ZNF215: variants seen among roughly 807,000 people sequenced by gnomAD.
ZNF215 encodes BWSCR2-associated zinc finger protein 2.
A neutral mutation model predicts 27.2 loss-of-function variants in ZNF215; 24 were observed. The observed-to-expected ratio is 0.88, with a 90% CI of 0.64 to 1.24. The LOEUF is 1.24. ZNF215 is among the 50% of genes most tolerant of loss of function. The pLI is 0.00. For missense variants in ZNF215, 675 were observed against 605.7 expected (o/e 1.11, Z -1.20); for synonymous variants, 210 against 204.0 (o/e 1.03, Z -0.25).
At chr11:6,960,713 T>A (rs935963195), downstream of ZNF215, among the ~76,000 whole-genome samples, 1 of 152,172 alleles carries the variant, frequency 6.6e-6, no homozygotes, top group Admixed American at 6.6e-5. Flanking sequence ...CTCGTCACTC[T>A]GGCACTGTGG....
chr11:6,932,465 G>C lies in ZNF215; in HGVS notation c.193G>C (p.Ala65Pro), dbSNP rs747873198. The change falls in exon 3 of 7, where the codon GCC (alanine) becomes CCC (proline). Residue 65 changes from alanine to proline, a missense_variant. Ala to Pro is a conservative substitution (Grantham distance 27, BLOSUM62 -1). Transcript: ENST00000278319. ...QYLKVSGPHE[A>P]LSQLWELCLQ... The stretch of plus-strand genomic sequence containing the variant: ...TTTGAAAGTGTCTGGGCCCCATGAA[G>C]CCCTGAGCCAACTCTGGGAGCTCTG... The C allele has an allele frequency of 2.0e-5, 33 of 1,614,010 alleles. No homozygotes were observed. Among genetic ancestry groups the C allele is most frequent in the Non-Finnish European group, 2.7e-5 (32 of 1,180,024 alleles).
At chr11:6,972,123 T>C (rs974426503) in intron 5 of ZNF215, among the ~76,000 whole-genome samples, 3 of 152,126 alleles carry the variant, frequency 2.0e-5, no homozygotes, top group African/African-American at 7.2e-5. Flanking sequence ...CTACATTAAA[T>C]GTTTGAGTGA....
In ZNF215 at chr11:6,956,506, A is replaced by T; in HGVS notation, c.1529A>T (p.Lys510Ile). Residue 510 changes from lysine (K) to isoleucine (I), a missense_variant, in exon 7 of 7, where the codon AAA (lysine) becomes ATA (isoleucine). Transcript: ENST00000278319. ...NRSSNLVKHQ[K>I]LHTRDKS Reference sequence around the variant, plus strand: ...AGTTCAAACCTTGTTAAACATCAAAAACTGCATACTCGAGATAAGTCCTGA... The same window carrying T: ...AGTTCAAACCTTGTTAAACATCAAATACTGCATACTCGAGATAAGTCCTGA... 6.2e-7 allele frequency: 1 copy of T among 1,600,374 alleles called. No individual in the cohort carries two copies. Among genetic ancestry groups the T allele is most frequent in the Non-Finnish European group, 8.5e-7 (1 of 1,175,346 alleles).
In ZNF215 at chr11:6,941,588, T is replaced by A. The variant is rs373808434; in HGVS notation, c.418T>A (p.Ser140Thr). The part of the protein sequence containing the change: ...LEDEDMPCKD[S>T]ALQMGSIKEK... ...TTCCTCAGATATGCCCTGCAAGGACTCTGCCCTGCAGATGGGGAGCATCAA... is the reference window on the plus strand; with the variant it reads ...TTCCTCAGATATGCCCTGCAAGGACACTGCCCTGCAGATGGGGAGCATCAA... Residue 140 changes from serine to threonine, a missense_variant, in exon 4 of 7, where the codon TCT (serine) becomes ACT (threonine). Transcript: ENST00000278319. The A allele has an allele frequency of 9.3e-6, 15 of 1,613,950 alleles. No individual in the cohort carries two copies. The highest frequency in any genetic ancestry group is 1.1e-5 in the Non-Finnish European group (13 of 1,179,920).
intron 5 of ZNF215, among the ~76,000 whole-genome samples, chr11:6,968,577 A>G (rs1017043443): frequency 2.6e-5 from 4 of 151,688 alleles, no homozygotes; most frequent in African/African-American, 9.7e-5. Context: ...TTTGAAATCA[A>G]ATTTAAGCCT....
Position 6,950,058 on chromosome 11 carries a change from T to C in ZNF215, c.713-5632T>C, listed in dbSNP as rs1264621333. Reference sequence around the variant, plus strand: ...AGATAGTTGTAGATATGCGGCGTTATTTCTGAGGGCTCTGTTCTGTTCCAT... The same window carrying C: ...AGATAGTTGTAGATATGCGGCGTTACTTCTGAGGGCTCTGTTCTGTTCCAT... On this transcript the variant is annotated intron_variant, in intron 6 of 6. Coordinates refer to ENST00000278319, the MANE Select transcript of ZNF215 (RefSeq NM_013250.4). Among the ~76,000 whole-genome samples, 5 of 151,936 alleles carry C rather than the reference T, an allele frequency of 3.3e-5. No homozygotes were observed. The South Asian group carries it at 6.2e-4, about 19-fold the overall frequency.
chr11:6,938,003 C>T (rs1849498147), intron 3 of ZNF215, among the ~76,000 whole-genome samples: 1 of 151,836 alleles, frequency 6.6e-6, no homozygotes, highest in South Asian at 2.1e-4. Flanking sequence ...ATAAATTAGA[C>T]CATCAAAATT....
intron 5 of ZNF215, among the ~76,000 whole-genome samples, chr11:6,976,171 C>A (rs1203734885): frequency 1.3e-5 from 2 of 151,920 alleles, no homozygotes; most frequent in African/African-American, 4.8e-5. Flanking sequence ...AAATCATTTG[C>A]CGAGTTTTTG....
downstream of ZNF215, among the ~76,000 whole-genome samples, chr11:6,962,422 G>A (rs182677028): frequency 6.6e-6 from 1 of 152,270 alleles, no homozygotes; most frequent in East Asian, 1.9e-4. Flanking sequence ...AGGGAGAATA[G>A]AGGATATCTG....
intron 5 of ZNF215, among the ~76,000 whole-genome samples, chr11:6,969,895 C>G (rs1391432945): frequency 6.6e-6 from 1 of 152,182 alleles, no homozygotes; most frequent in Non-Finnish European, 1.5e-5. Context: ...ATTCTCCTGC[C>G]TCAGCCTCCT....
intron 5 of ZNF215, among the ~76,000 whole-genome samples, chr11:6,964,960 T>C (rs999449329): frequency 5.9e-5 from 9 of 152,098 alleles, no homozygotes; most frequent in Non-Finnish European, 1.2e-4. Context: ...AAGTTTTACA[T>C]GCATTACATC....
intron 4 of ZNF215, among the ~76,000 whole-genome samples, chr11:6,941,881 C>T (rs1380491375): frequency 6.6e-6 from 1 of 152,138 alleles, no homozygotes; most frequent in African/African-American, 2.4e-5. Context: ...TATCTGTAGA[C>T]ACTATAGATG....
downstream of ZNF215, among the ~76,000 whole-genome samples, chr11:6,986,739 AAT>A (rs549582041): frequency 1.1e-3 from 169 of 151,954 alleles, no homozygotes; most frequent in African/African-American, 3.8e-3. Context: ...GCAGTCAACA[AAT>A]ATATGAAAAA....
At chr11:6,938,095 C>G (rs767255625) in intron 3 of ZNF215, among the ~76,000 whole-genome samples, 1 of 151,950 alleles carries the variant, frequency 6.6e-6, no homozygotes, top group Admixed American at 6.6e-5. Flanking sequence ...AATCATATAT[C>G]TGATAAGGGT....
At chr11:6,939,708 G>A (rs917207808) in intron 3 of ZNF215, among the ~76,000 whole-genome samples, 1 of 152,028 alleles carries the variant, frequency 6.6e-6, no homozygotes, top group Non-Finnish European at 1.5e-5. Context: ...AAAACATGAC[G>A]GTAAAACTTC....
intron 5 of ZNF215, among the ~76,000 whole-genome samples, chr11:6,983,140 A>G (rs1468827158): frequency 2.0e-5 from 3 of 152,234 alleles, no homozygotes; most frequent in African/African-American, 7.2e-5. Flanking sequence ...CTCCACGCAA[A>G]TAAACTAGAA....
chr11:6,949,046 A>G lies in ZNF215; in HGVS notation c.712+5405A>G, dbSNP rs370245301. Among the ~76,000 whole-genome samples, 313 of 150,112 alleles carry G rather than the reference A, an allele frequency of 2.1e-3. 2 individuals are homozygous for G. The South Asian group carries it at 0.026, about 12-fold the overall frequency. On this transcript the variant is annotated intron_variant, in intron 6 of 6. Transcript: ENST00000278319. The stretch of plus-strand genomic sequence containing the variant: ...AGTTTACTGAGAATGATGATTTCCA[A>G]TTTCATCCATGTCCCTACAAAGGAC...
At chr11:6,984,241 G>C in exon 6 of ZNF215, 1 of 261,216 alleles carries the variant, frequency 3.8e-6, no homozygotes, top group Non-Finnish European at 7.5e-6. Context: ...CTGAGTAGCT[G>C]GGATTAGAGG....
chr11:6,970,502 A>G (rs1850699093), intron 5 of ZNF215, among the ~76,000 whole-genome samples: 1 of 152,298 alleles, frequency 6.6e-6, no homozygotes, highest in Middle Eastern at 3.4e-3. Flanking sequence ...TATTTTGGTT[A>G]TTTTTTAATC....
Sources: gnomAD v4.1 joint callset for allele counts (sites outside exome capture counted in the v4.1 genomes callset) on GRCh38, gnomAD v4.1.1 for gene constraint, MANE v1.5 for transcripts, NCBI Gene and HGNC (gene_info 2026-07-23, HGNC 2026-07-21) for gene names.